The following NLGN4Y variants were observed in gnomAD, a reference collection of about 807,000 sequenced individuals.
The protein encoded by NLGN4Y is neuroligin-4, Y-linked.
In NLGN4Y, 4 loss-of-function variants were observed where a neutral mutation model predicts 8.4. That is an observed-to-expected ratio of 0.48 (90% confidence interval 0.23 to 1.09). NLGN4Y has a LOEUF of 1.09. Ranked by LOEUF, NLGN4Y falls within the 50% of genes least tolerant of loss-of-function variation. NLGN4Y has a pLI of 0.19. For missense variants in NLGN4Y, 90 were observed against 192.3 expected (o/e 0.47, Z 3.15); for synonymous variants, 35 against 75.6 (o/e 0.46, Z 2.78).
chrY:14,758,749 A>T, intron 4 of NLGN4Y, among the ~76,000 whole-genome samples: 1 of 33,509 alleles, frequency 3.0e-5, no homozygotes, highest in African/African-American at 1.2e-4. Context: ...CTCCCACCAC[A>T]GCCTCCCCAG....
At chrY:14,696,899 T>C in intron 2 of NLGN4Y, among the ~76,000 whole-genome samples, 2 of 32,614 alleles carry the variant, frequency 6.1e-5, no homozygotes, top group African/African-American at 2.4e-4. Context: ...CGCATAACAA[T>C]CTGGGGTGTT....
At chrY:14,706,789 T>TAA (rs2080879613) in intron 2 of NLGN4Y, among the ~76,000 whole-genome samples, 63 of 17,407 alleles carry the variant, frequency 3.6e-3, no homozygotes, top group African/African-American at 0.011. Context: ...TAATCTCATT[T>TAA]AAAAAAAAAT....
chrY:14,556,942 C>T, intron 1 of NLGN4Y, among the ~76,000 whole-genome samples: 1 of 33,716 alleles, frequency 3.0e-5, no homozygotes, highest in Admixed American at 2.7e-4. Context: ...AGAGTTAAAT[C>T]ACTTACTCAG....
chrY:14,801,919 C>A (rs1041176096), intron 4 of NLGN4Y, among the ~76,000 whole-genome samples: 8 of 33,352 alleles, frequency 2.4e-4, no homozygotes, highest in Admixed American at 8.5e-4. Context: ...AAGCACTGTT[C>A]CCCCAATTGT....
At chrY:14,524,130 G>C, upstream of NLGN4Y, 1 of 45,055 alleles carries the variant, frequency 2.2e-5, no homozygotes, top group Non-Finnish European at 5.1e-5. Context: ...CTTTTCCGGA[G>C]GAGCGGAAAA....
intron 1 of NLGN4Y, among the ~76,000 whole-genome samples, chrY:14,549,202 T>C (rs924369802): frequency 6.0e-5 from 2 of 33,178 alleles, no homozygotes; most frequent in African/African-American, 2.4e-4. Context: ...CCATCCCCAA[T>C]GTAAATCACT....
chrY:14,530,741 CT>C (rs2080108794), intron 1 of NLGN4Y, among the ~76,000 whole-genome samples: 1 of 33,831 alleles, frequency 3.0e-5, no homozygotes, highest in Non-Finnish European at 7.4e-5. Flanking sequence ...TGCCCAAAGG[CT>C]GGCCTGAGAG....
intron 4 of NLGN4Y, among the ~76,000 whole-genome samples, chrY:14,777,761 A>G: frequency 3.1e-5 from 1 of 32,263 alleles, no homozygotes; most frequent in Admixed American, 2.9e-4. Context: ...ACAATGGCTC[A>G]TGCCTGTAAT....
intron 2 of NLGN4Y, among the ~76,000 whole-genome samples, chrY:14,697,492 TGATAGATA>T (rs34461404): frequency 0.019 from 365 of 19,217 alleles, no homozygotes; most frequent in African/African-American, 0.031. Context: ...AGCAGATAGG[TGATAGATA>T]GATAGATAGA....
intron 2 of NLGN4Y, among the ~76,000 whole-genome samples, chrY:14,680,041 C>T: frequency 3.0e-5 from 1 of 33,626 alleles, no homozygotes; most frequent in South Asian, 6.6e-4. Context: ...CGAGATTAAA[C>T]CATATGGGGT....
At chrY:14,802,156 G>T (rs2043035311) in intron 4 of NLGN4Y, among the ~76,000 whole-genome samples, 2 of 33,072 alleles carry the variant, frequency 6.0e-5, no homozygotes, top group Admixed American at 2.8e-4. Context: ...GCAGGACTAA[G>T]AAGAGTGCTT....
chrY:14,742,400 C>G (rs2081009113), intron 4 of NLGN4Y, among the ~76,000 whole-genome samples: 1 of 32,394 alleles, frequency 3.1e-5, no homozygotes, highest in African/African-American at 1.2e-4. Flanking sequence ...TTTTTCTCAT[C>G]TGTAAAATAA....
At chrY:14,664,311 G>A in intron 2 of NLGN4Y, among the ~76,000 whole-genome samples, 1 of 32,977 alleles carries the variant, frequency 3.0e-5, no homozygotes, top group African/African-American at 1.2e-4. Context: ...GCCGAAGATT[G>A]CTTTGCCAAC....
intron 2 of NLGN4Y, 56 bp from the exon 3 acceptor site, chrY:14,719,403 A>G: frequency 5.1e-6 from 1 of 194,190 alleles, no homozygotes; most frequent in Non-Finnish European, 8.0e-6. Flanking sequence ...TTTTGCAAAC[A>G]TATTGTTTCT....
intron 2 of NLGN4Y, chrY:14,640,288 T>A: frequency 1.5e-5 from 2 of 130,313 alleles, no homozygotes; most frequent in Non-Finnish European, 3.2e-5. Flanking sequence ...GAGGTGAAAC[T>A]GCTCCCCAGG....
chrY:14,720,091 T>C, intron 3 of NLGN4Y, among the ~76,000 whole-genome samples: 1 of 33,671 alleles, frequency 3.0e-5, no homozygotes, highest in Non-Finnish European at 7.4e-5. Context: ...TTTAACAAGA[T>C]GCTGTTGTTA....
At chrY:14,710,235 T>C in intron 2 of NLGN4Y, among the ~76,000 whole-genome samples, 1 of 33,790 alleles carries the variant, frequency 3.0e-5, no homozygotes, top group East Asian at 7.8e-4. Context: ...TATTCAGAGC[T>C]GGGCATAGTG....
chrY:14,801,563 A>AAAAT (rs2043033213), intron 4 of NLGN4Y, among the ~76,000 whole-genome samples: 1 of 27,306 alleles, frequency 3.7e-5, no homozygotes, highest in Non-Finnish European at 8.4e-5. Flanking sequence ...AAAAAAAAAA[A>AAAAT]GAGAGAGAGA....
At chrY:14,631,532 T>G in intron 2 of NLGN4Y, among the ~76,000 whole-genome samples, 1 of 34,412 alleles carries the variant, frequency 2.9e-5, no homozygotes, top group Non-Finnish European at 7.3e-5. Context: ...TAGGTTAATA[T>G]AGCCCCAAGG....
Sources: gnomAD v4.1 joint callset for allele counts (sites outside exome capture counted in the v4.1 genomes callset) on GRCh38, gnomAD v4.1.1 for gene constraint, MANE v1.5 for transcripts, NCBI Gene and HGNC (gene_info 2026-07-23, HGNC 2026-07-21) for gene names.